Variants in ACSL3 observed in about 807,000 individuals in gnomAD.
The protein encoded by ACSL3 is fatty acid CoA ligase Acsl3.
In ACSL3, 34 loss-of-function variants were observed where a neutral mutation model predicts 84.7. That is an observed-to-expected ratio of 0.40 (90% CI 0.31 to 0.53). The LOEUF (loss-of-function observed/expected upper bound fraction) is 0.53, where lower values mean the gene tolerates loss of function less well. ACSL3 is among the 20% of genes least tolerant of loss of function. The pLI is 0.48. For missense variants in ACSL3, 680 were observed against 873.1 expected (o/e 0.78, Z 2.79); for synonymous variants, 315 against 299.4 (o/e 1.05, Z -0.54).
At chr2:222,882,578 T>A (rs1695616613) in intron 1 of ACSL3, among the ~76,000 whole-genome samples, 1 of 152,010 alleles carries the variant, frequency 6.6e-6, no homozygotes, top group South Asian at 2.1e-4. Context: ...CATGCCGAAT[T>A]CCTGCTCCTG....
rs1697381995 is a variant in ACSL3 at position 222,943,518 on chromosome 2, G to A, written c.*1864G>A. The A allele has an allele frequency of 6.1e-6, 1 of 163,170 alleles. No homozygotes were observed. The highest frequency in any genetic ancestry group is 1.3e-5 in the Non-Finnish European group (1 of 74,466). The allele number at this position is 163,170 out of a possible 1,614,324, so 10.1% of individuals were successfully genotyped here. ...CTTCAAAGGAGAGATACTGATAATT[G>A]TGACTTGAAATAGTGTCAGATGAAT... is the stretch of plus-strand genomic sequence containing the variant. On this transcript the variant is annotated 3_prime_UTR_variant, in exon 17 of 17. Transcript: ENST00000357430.
Position 222,909,054 on chromosome 2 carries a change from T to C in ACSL3, c.282T>C (p.Tyr94=), listed in dbSNP as rs768392221. The change falls in exon 4 of 17, where the codon TAT becomes TAC. Residue 94 remains tyrosine, a synonymous_variant. Coordinates refer to ENST00000357430, the MANE Select transcript of ACSL3 (RefSeq NM_004457.5). ...ATACTTTAGATAAAGTTTTTACATA[T>C]GCAAAAAACAAATTTAAGAACAAAA... The part of the protein sequence containing the change: ...GCDTLDKVFT[Y]AKNKFKNKRL... 8.1e-6 allele frequency: 13 copies of C among 1,612,310 alleles called. No individual in the cohort carries two copies. The highest frequency in any genetic ancestry group is 1.1e-5 in the Non-Finnish European group (13 of 1,179,464).
rs866149679 is a variant in ACSL3, at chr2:222,866,232, G to A, written c.-207+4974G>A. 9.2e-5 allele frequency among the ~76,000 whole-genome samples: 14 copies of A among 151,746 alleles called. No homozygotes were observed. The East Asian group carries it at 2.5e-3, about 27-fold the overall frequency. ...ATGATCTCGGCTCACTGTAAGCTCC[G>A]CTTCCCGGGTTCACGCCATTCTCCT... On this transcript the variant is annotated intron_variant, in intron 1 of 16. Transcript: ENST00000357430.
rs1046109 is a variant in ACSL3 at position 222,942,604 on chromosome 2, C to T, written c.*950C>T. Reference sequence around the variant, plus strand: ...AATTAGTCATGGAAAATTATTCTATCTCAAAGTCTCCTTTTAGTCTAGATA... The same window carrying T: ...AATTAGTCATGGAAAATTATTCTATTTCAAAGTCTCCTTTTAGTCTAGATA... On this transcript the variant is annotated 3_prime_UTR_variant, in exon 17 of 17. Transcript: ENST00000357430. 76,378 of 199,652 alleles carry T rather than the reference C, an allele frequency of 0.38. 16,511 individuals are homozygous for T. The highest frequency in any genetic ancestry group is 0.79 in the East Asian group (9,808 of 12,482). The allele number at this position is 199,652 out of a possible 1,614,324, so 12.4% of individuals were successfully genotyped here.
At position 222,907,649 on chromosome 2, in the gene ACSL3, C is replaced by T. The variant is rs72955362; in HGVS notation, c.-40-1084C>T. Among the ~76,000 whole-genome samples the T allele has an allele frequency of 5.5e-3, 840 of 151,888 alleles. 4 individuals carry two copies. Among genetic ancestry groups the T allele is most frequent in the Admixed American group, 0.012 (183 of 15,252 alleles). Reference sequence around the variant, plus strand: ...GTGTGGTCACACATGCCTGTAGTCCCAACTGTTTGGGAGGCTGAGGAGAGA... The same window carrying T: ...GTGTGGTCACACATGCCTGTAGTCCTAACTGTTTGGGAGGCTGAGGAGAGA... On this transcript the variant is annotated intron_variant, in intron 3 of 16. Transcript: ENST00000357430.
chr2:222,939,684 C>A (rs1697256192), intron 16 of ACSL3, among the ~76,000 whole-genome samples: 1 of 152,182 alleles, frequency 6.6e-6, no homozygotes, highest in Admixed American at 6.5e-5. Flanking sequence ...GAATGCCTTG[C>A]ATTTTTCTAC....
intron 2 of ACSL3, among the ~76,000 whole-genome samples, chr2:222,896,858 C>T (rs1234819127): frequency 1.3e-4 from 2 of 15,110 alleles, no homozygotes; most frequent in Non-Finnish European, 9.9e-5. Context: ...CCGGACGGGG[C>T]GGCTGGCCGG....
chr2:222,915,391 G>A (rs955365837), intron 4 of ACSL3, among the ~76,000 whole-genome samples: 1 of 152,104 alleles, frequency 6.6e-6, no homozygotes, highest in Non-Finnish European at 1.5e-5. Context: ...ACCTCTTCTA[G>A]AAATTTCTTA....
chr2:222,892,541 C>T (rs969468193), intron 2 of ACSL3, among the ~76,000 whole-genome samples: 2 of 152,060 alleles, frequency 1.3e-5, no homozygotes, highest in South Asian at 2.1e-4. Flanking sequence ...CCCTGGTTTC[C>T]TATTTCATAA....
At chr2:222,926,011 C>T (rs770847828) in intron 11 of ACSL3, among the ~76,000 whole-genome samples, 8 of 152,208 alleles carry the variant, frequency 5.3e-5, no homozygotes, top group Middle Eastern at 3.4e-3. Flanking sequence ...TCCTGCCTTA[C>T]GTTAGTTATT....
chr2:222,895,418 T>C (rs1357217593), intron 2 of ACSL3, among the ~76,000 whole-genome samples: 2 of 152,196 alleles, frequency 1.3e-5, no homozygotes, highest in Non-Finnish European at 2.9e-5. Flanking sequence ...CTACTATTTA[T>C]GTTAAAAACA....
chr2:222,916,088 A>T (rs1350914661), intron 4 of ACSL3, among the ~76,000 whole-genome samples: 1 of 152,130 alleles, frequency 6.6e-6, no homozygotes, highest in African/African-American at 2.4e-5. Flanking sequence ...AAATAAAGCC[A>T]AAAAACCCCC....
Position 222,922,812 on chromosome 2 carries a change from C to A in ACSL3, c.1061C>A (p.Pro354Gln). The A allele has an allele frequency of 1.2e-6, 2 of 1,614,162 alleles. No individual in the cohort carries two copies. The highest frequency in any genetic ancestry group is 1.1e-5 in the South Asian group (1 of 91,078). The stretch of plus-strand genomic sequence containing the variant: ...GGATGCCGCATTGGTTACTCTTCAC[C>A]ACAGACTTTAGCAGATCAGGTAAGT... Reference protein sequence around the residue: ...SHGCRIGYSSPQTLADQSSKI... With the variant: ...SHGCRIGYSSQQTLADQSSKI... The change falls in exon 9 of 17, where the codon CCA (proline) becomes CAA (glutamine). Residue 354 changes from proline to glutamine, a missense_variant. This residue lies in a region of ACSL3 where 347 missense variants were observed against 525.7 expected (regional missense o/e 0.66). Transcript: ENST00000357430.
intron 13 of ACSL3, among the ~76,000 whole-genome samples, chr2:222,929,508 G>A (rs1172683315): frequency 2.0e-5 from 3 of 152,118 alleles, no homozygotes; most frequent in African/African-American, 7.2e-5. Flanking sequence ...CTGGCCGGGC[G>A]CAGTGGCTCA....
Position 222,941,514 on chromosome 2 carries a change from G to A in ACSL3, c.2023G>A (p.Glu675Lys). 1 of 1,596,958 alleles carries A rather than the reference G, an allele frequency of 6.3e-7. No homozygotes were observed. The highest frequency in any genetic ancestry group is 8.5e-7 in the Non-Finnish European group (1 of 1,172,924). Reference sequence around the variant, plus strand: ...CATCTTAGCAAGTCTGGAAAAGTTTGAAATTCCAGTAAAAATTCGTTTGAG... The same window carrying A: ...CATCTTAGCAAGTCTGGAAAAGTTTAAAATTCCAGTAAAAATTCGTTTGAG... Reference protein sequence around the residue: ...AAISASLEKFEIPVKIRLSPE... With the variant: ...AAISASLEKFKIPVKIRLSPE... The change falls in exon 17 of 17, where the codon GAA becomes AAA. Residue 675 changes from glutamate (E) to lysine (K), a missense_variant. Coordinates refer to ENST00000357430, the MANE Select transcript of ACSL3 (RefSeq NM_004457.5).
Position 222,924,566 on chromosome 2 carries a change from A to T in ACSL3, c.1263A>T (p.Ser421=). The change falls in exon 11 of 17, where the codon TCA becomes TCT. Residue 421 remains serine, a synonymous_variant. Transcript: ENST00000357430. ...ATAATTACAAAATGGAACAGATTTCAAAAGGACGTAATACTCCACTGTGCG... is the reference window on the plus strand; with the variant it reads ...ATAATTACAAAATGGAACAGATTTCTAAAGGACGTAATACTCCACTGTGCG... The part of the protein sequence containing the change: ...LAYNYKMEQI[S]KGRNTPLCDS... 1 of 1,610,046 alleles carries T rather than the reference A, an allele frequency of 6.2e-7. No homozygotes were observed. The highest frequency in any genetic ancestry group is 8.5e-7 in the Non-Finnish European group (1 of 1,178,448).
At chr2:222,879,350 T>G (rs1403547345) in intron 1 of ACSL3, among the ~76,000 whole-genome samples, 1 of 152,044 alleles carries the variant, frequency 6.6e-6, no homozygotes, top group Non-Finnish European at 1.5e-5. Flanking sequence ...CAAATTTAGT[T>G]AAATGCTTTA....
Position 222,908,743 on chromosome 2 carries a change from A to G in ACSL3, c.-30A>G. The stretch of plus-strand genomic sequence containing the variant: ...TTTTCTTCCTCCTAGATTCTCGCTG[A>G]AGTCTGTTAATTCTACTTTTTGAGT... On this transcript the variant is annotated 5_prime_UTR_variant, in exon 4 of 17. Coordinates refer to ENST00000357430, the MANE Select transcript of ACSL3 (RefSeq NM_004457.5). The G allele has an allele frequency of 2.6e-6, 4 of 1,550,620 alleles. No individual in the cohort carries two copies. Among genetic ancestry groups the G allele is most frequent in the Non-Finnish European group, 3.5e-6 (4 of 1,158,684 alleles).
intron 1 of ACSL3, among the ~76,000 whole-genome samples, chr2:222,885,947 T>C (rs1295751949): frequency 6.6e-6 from 1 of 152,182 alleles, no homozygotes; most frequent in African/African-American, 2.4e-5. Context: ...TTCATCTTGT[T>C]GGTCAGGCTG....
Sources: allele counts gnomAD v4.1 joint callset (sites outside exome capture counted in the v4.1 genomes callset), GRCh38; gene constraint gnomAD v4.1.1; regional missense constraint gnomAD v4.1.1; transcripts MANE v1.5; gene names NCBI Gene and HGNC (gene_info 2026-07-23, HGNC 2026-07-21).